GLRB: variants seen among roughly 807,000 people sequenced by gnomAD.
GLRB encodes glycine receptor subunit beta.
A neutral mutation model predicts 54.2 loss-of-function variants in GLRB; 33 were observed. The observed-to-expected ratio is 0.61, with a 90% confidence interval of 0.46 to 0.81. The LOEUF (loss-of-function observed/expected upper bound fraction) is 0.81, where lower values mean the gene tolerates loss of function less well. Among genes scored for constraint, GLRB ranks in the 40% least tolerant of loss-of-function variants. The pLI, the probability that GLRB is intolerant of heterozygous loss-of-function variation, is 0.00. For missense variants in GLRB, 572 were observed against 584.6 expected (o/e 0.98, Z 0.22); for synonymous variants, 209 against 208.2 (o/e 1.00, Z -0.03).
At chr4:157,147,173 A>G (rs879583489) in intron 8 of GLRB, among the ~76,000 whole-genome samples, 3 of 152,210 alleles carry the variant, frequency 2.0e-5, no homozygotes, top group East Asian at 1.9e-4. Flanking sequence ...GTCAAAATAT[A>G]GTTGGTTTTC....
At chr4:157,084,849 T>C (rs1455681906) in intron 2 of GLRB, 2 of 336,176 alleles carry the variant, frequency 5.9e-6, no homozygotes, top group South Asian at 2.3e-5. Context: ...AGAGATGAAA[T>C]AGATTTTAGT....
chr4:157,133,143 A>T (rs1736277722), intron 4 of GLRB, among the ~76,000 whole-genome samples: 1 of 151,948 alleles, frequency 6.6e-6, no homozygotes, highest in Admixed American at 6.6e-5. Flanking sequence ...ATGTATGCAT[A>T]TTCAAAATGG....
chr4:157,161,605 G>C (rs1231954491), intron 9 of GLRB, among the ~76,000 whole-genome samples: 1 of 152,104 alleles, frequency 6.6e-6, no homozygotes, highest in Non-Finnish European at 1.5e-5. Flanking sequence ...AGTTTGGCTG[G>C]ATATGAAATT....
At chr4:157,083,642 G>C (rs536131069) in intron 2 of GLRB, among the ~76,000 whole-genome samples, 2 of 152,042 alleles carry the variant, frequency 1.3e-5, no homozygotes, top group Non-Finnish European at 2.9e-5. Flanking sequence ...TAATAGCAAA[G>C]TAACCCACAG....
intron 2 of GLRB, among the ~76,000 whole-genome samples, chr4:157,078,970 C>T (rs2126411939): frequency 6.6e-6 from 1 of 152,288 alleles, no homozygotes; most frequent in Non-Finnish European, 1.5e-5. Context: ...GACAGGATTT[C>T]ACCATGTTGA....
chr4:157,137,539 T>C (rs1736447213), intron 6 of GLRB, among the ~76,000 whole-genome samples: 1 of 151,856 alleles, frequency 6.6e-6, no homozygotes, highest in Non-Finnish European at 1.5e-5. Flanking sequence ...GATCATCTTA[T>C]AATAAGGTCG....
intron 9 of GLRB, among the ~76,000 whole-genome samples, chr4:157,161,671 T>C (rs1371572823): frequency 1.3e-5 from 2 of 152,238 alleles, no homozygotes; most frequent in Non-Finnish European, 2.9e-5. Context: ...CACTCTCTTC[T>C]AGCTTGTAGA....
chr4:157,098,363 A>T (rs967795756), intron 2 of GLRB, among the ~76,000 whole-genome samples: 1 of 152,152 alleles, frequency 6.6e-6, no homozygotes, highest in South Asian at 2.1e-4. Flanking sequence ...ATTTGAAAAG[A>T]CTTTTGCAAT....
At chr4:157,155,602 ATT>A (rs1737197242) in intron 9 of GLRB, among the ~76,000 whole-genome samples, 1 of 152,158 alleles carries the variant, frequency 6.6e-6, no homozygotes, top group Non-Finnish European at 1.5e-5. Flanking sequence ...CCTAAAAAGT[ATT>A]GTGTTCACTT....
intron 9 of GLRB, among the ~76,000 whole-genome samples, chr4:157,158,112 T>C (rs149253087): frequency 0.024 from 3,637 of 152,324 alleles, 58 homozygotes; most frequent in African/African-American, 0.046. Flanking sequence ...TTTTCATGTG[T>C]CTGTTGGCTG....
At chr4:157,162,265 A>T (rs1355599191) in intron 9 of GLRB, among the ~76,000 whole-genome samples, 2 of 152,110 alleles carry the variant, frequency 1.3e-5, no homozygotes, top group African/African-American at 4.8e-5. Context: ...GTTTCTTTGC[A>T]ATGGGTTTGA....
intron 9 of GLRB, among the ~76,000 whole-genome samples, chr4:157,163,543 A>G (rs1299898825): frequency 6.6e-6 from 1 of 151,854 alleles, no homozygotes; most frequent in African/African-American, 2.4e-5. Flanking sequence ...GTGGGAGCAC[A>G]TTTTTTTCTG....
chr4:157,148,874 T>C (rs1257556275), intron 8 of GLRB, among the ~76,000 whole-genome samples: 2 of 152,132 alleles, frequency 1.3e-5, no homozygotes, highest in Non-Finnish European at 2.9e-5. Context: ...GTTGAAATCT[T>C]TTATCTCTTT....
chr4:157,122,483 C>A, intron 4 of GLRB, 86 bp downstream of exon 4: 1 of 558,672 alleles, frequency 1.8e-6, no homozygotes, highest in Non-Finnish European at 3.3e-6. Context: ...CAATAAGGAG[C>A]AACTCAAATA....
intron 2 of GLRB, among the ~76,000 whole-genome samples, chr4:157,085,697 C>T (rs1318098781): frequency 6.6e-6 from 1 of 152,060 alleles, no homozygotes; most frequent in African/African-American, 2.4e-5. Flanking sequence ...TGGGGTTTCA[C>T]TGTGTTAGCC....
Position 157,134,395 on chromosome 4 carries a change from C to A in GLRB, c.298-2074C>A, listed in dbSNP as rs545414578. On this transcript the variant is annotated intron_variant, in intron 4 of 9. Transcript: ENST00000264428. ...AACATAATGTGATATCATCTCTATACAATTTTTTTTTAATTACCCAGGAGA... is the reference window on the plus strand; with the variant it reads ...AACATAATGTGATATCATCTCTATAAAATTTTTTTTTAATTACCCAGGAGA... 2.6e-5 allele frequency among the ~76,000 whole-genome samples: 4 copies of A among 151,958 alleles called. No homozygotes were observed. The South Asian group carries it at 8.3e-4, about 32-fold the overall frequency.
chr4:157,142,130 T>C (rs1008371622), intron 7 of GLRB, among the ~76,000 whole-genome samples: 1 of 152,128 alleles, frequency 6.6e-6, no homozygotes, highest in Non-Finnish European at 1.5e-5. Context: ...ATTGTACTTA[T>C]GAAAGATTCT....
intron 4 of GLRB, among the ~76,000 whole-genome samples, chr4:157,133,526 T>A (rs1312017211): frequency 6.6e-6 from 1 of 151,960 alleles, no homozygotes; most frequent in African/African-American, 2.4e-5. Flanking sequence ...TGACTGATGT[T>A]CAATATCCCT....
At position 157,122,281 on chromosome 4, in the gene GLRB, G is replaced by T; in HGVS notation, c.230-49G>T. On this transcript the variant is annotated intron_variant, in intron 3 of 9. Coordinates refer to ENST00000264428, the MANE Select transcript of GLRB (RefSeq NM_000824.5). Reference sequence around the variant, plus strand: ...AAACCAAAAAAACTATGATGATTCTGACCAAGTTTTTTACAGCTAATAAAT... The same window carrying T: ...AAACCAAAAAAACTATGATGATTCTTACCAAGTTTTTTACAGCTAATAAAT... 5 of 759,260 alleles carry T rather than the reference G, an allele frequency of 6.6e-6. No individual in the cohort carries two copies. The South Asian group carries it at 7.1e-5, about 11-fold the overall frequency. 47.0% of individuals were successfully genotyped at this position (759,260 alleles called of 1,614,324 possible).
Sources: gnomAD v4.1 joint callset for allele counts (sites outside exome capture counted in the v4.1 genomes callset) on GRCh38, gnomAD v4.1.1 for gene constraint, MANE v1.5 for transcripts, NCBI Gene and HGNC (gene_info 2026-07-23, HGNC 2026-07-21) for gene names.